PRAM1: variants seen among roughly 807,000 people sequenced by gnomAD.
PRAM1 encodes the protein PML-RARA-regulated adapter molecule 1.
In PRAM1, 41 loss-of-function variants were observed where a neutral mutation model predicts 55.3. The ratio of observed to expected loss-of-function variants is 0.74; its 90% CI spans 0.58 to 0.96. The LOEUF (loss-of-function observed/expected upper bound fraction) is 0.96. PRAM1 is among the 40% of genes least tolerant of loss of function. The pLI, the probability that PRAM1 is intolerant of heterozygous loss-of-function variation, is 0.00. For synonymous variants in PRAM1, 401 were observed against 387.1 expected, an observed-to-expected ratio of 1.04 and a Z score of -0.42; for missense variants, 898 against 892.7, an observed-to-expected ratio of 1.01 and a Z score of -0.08.
At position 8,499,589 on chromosome 19, in the gene PRAM1, C is replaced by G. The variant is rs1971773847; in HGVS notation, c.219G>C (p.Pro73=). The G allele has an allele frequency of 6.4e-7, 1 of 1,564,114 alleles. No individual in the cohort carries two copies. The highest frequency in any genetic ancestry group is 1.7e-5 in the Admixed American group (1 of 57,336). ...EFGAVSLKPP[P]PEVTDLPKKP... The stretch of plus-strand genomic sequence containing the variant: ...TCTTGGGGAGGTCAGTGACCTCAGG[C>G]GGCGGGGGCTTCAAGGACACTGCAC... The change falls in exon 2 of 10, where the codon CCG becomes CCC. Residue 73 remains proline, a synonymous_variant. Coordinates refer to ENST00000423345, the MANE Select transcript of PRAM1 (RefSeq NM_032152.5).
chr19:8,491,087 C>CT lies in PRAM1; in HGVS notation c.1634+12dup, dbSNP rs1485097700. ...CTCGCCCCCCGTCTGCCCACCCCCT[C>CT]TGCCCATGGCACCTGAGCGCTGGGT... On this transcript the variant is annotated intron_variant, in intron 5 of 9. Transcript: ENST00000423345. The CT allele has an allele frequency of 6.2e-7, 1 of 1,612,372 alleles. No homozygotes were observed. The highest frequency in any genetic ancestry group is 1.1e-5 in the South Asian group (1 of 91,088).
At position 8,493,367 on chromosome 19, in the gene PRAM1, C is replaced by T. The variant is rs947814251; in HGVS notation, c.1577-2210G>A. ...CATCCACAGTCTCACCTGGAACACA[C>T]AGCCCCTCCAGCTGCTCCTGCCTCT... On this transcript the variant is annotated intron_variant, in intron 4 of 9. Coordinates refer to ENST00000423345, the MANE Select transcript of PRAM1 (RefSeq NM_032152.5). The surrounding 1 kb of genome is among the most constrained non-coding windows in gnomAD (Gnocchi z 4.1). 6.6e-6 allele frequency among the ~76,000 whole-genome samples: 1 copy of T among 152,362 alleles called. No individual in the cohort carries two copies. The highest frequency in any genetic ancestry group is 6.5e-5 in the Admixed American group (1 of 15,302).
At position 8,490,153 on chromosome 19, in the gene PRAM1, G is replaced by A. The variant is rs1971588053; in HGVS notation, c.*36C>T. ...AGGGCTCCTGGGTGAGCGGGCGCTG[G>A]GCTGGCTGGCTGTCCTGGCCCCACG... On this transcript the variant is annotated 3_prime_UTR_variant, in exon 10 of 10. Coordinates refer to ENST00000423345, the MANE Select transcript of PRAM1 (RefSeq NM_032152.5). This position sits in a 1 kb window ranked among gnomAD's most constrained non-coding sequence, Gnocchi z 7.3. The A allele has an allele frequency of 1.3e-6, 2 of 1,517,048 alleles. No individual in the cohort carries two copies. The highest frequency in any genetic ancestry group is 1.3e-5 in the South Asian group (1 of 77,060). 94.0% of individuals were successfully genotyped at this position (1,517,048 alleles called of 1,614,324 possible).
Position 8,493,496 on chromosome 19 carries a change from C to T in PRAM1, c.1577-2339G>A, listed in dbSNP as rs866163133. Among the ~76,000 whole-genome samples, 4 of 152,190 alleles carry T rather than the reference C, an allele frequency of 2.6e-5. No individual in the cohort carries two copies. The highest frequency in any genetic ancestry group is 7.2e-5 in the African/African-American group (3 of 41,420). ...GCCACATTAGAGCACCTCTTGGCAC[C>T]GCCATGCAGGCAGCCCTGGTTCATC... On this transcript the variant is annotated intron_variant, in intron 4 of 9. Transcript: ENST00000423345. The surrounding 1 kb of genome is among the most constrained non-coding windows in gnomAD (Gnocchi z 4.1).
Position 8,490,915 on chromosome 19 carries a change from G to A in PRAM1, c.1715C>T (p.Ala572Val), listed in dbSNP as rs1349542065. ...LLKQLRKAEK[A>V]EREFRKKFKF... Reference sequence around the variant, plus strand: ...GAACTTCTTCCGGAACTCCCTCTCGGCCTTCTCTGCCTTCCTCAGCTGCTT... The same window carrying A: ...GAACTTCTTCCGGAACTCCCTCTCGACCTTCTCTGCCTTCCTCAGCTGCTT... Residue 572 changes from alanine to valine, a missense_variant, in exon 6 of 10, where the codon GCC (alanine) becomes GTC (valine). By Grantham distance (64) the Ala-to-Val change is moderately conservative. Coordinates refer to ENST00000423345, the MANE Select transcript of PRAM1 (RefSeq NM_032152.5). The surrounding 1 kb of genome is among the most constrained non-coding windows in gnomAD (Gnocchi z 7.3). The A allele has an allele frequency of 1.2e-6, 2 of 1,613,606 alleles. No individual in the cohort carries two copies. Among genetic ancestry groups the A allele is most frequent in the South Asian group, 1.1e-5 (1 of 91,084 alleles).
chr19:8,494,634 TTC>T (rs1467991291), intron 4 of PRAM1, among the ~76,000 whole-genome samples: 2 of 97,540 alleles, frequency 2.1e-5, no homozygotes, highest in African/African-American at 5.4e-5. Context: ...CTATTTTTTT[TTC>T]TTTTTTTTTT....
intron 4 of PRAM1, among the ~76,000 whole-genome samples, chr19:8,492,886 A>T (rs1971648947): frequency 2.6e-5 from 4 of 152,080 alleles, no homozygotes; most frequent in Non-Finnish European, 5.9e-5. Flanking sequence ...AATGCCAGCT[A>T]CTCAGGAGGC....
chr19:8,497,176 T>C (rs1474208922), intron 4 of PRAM1, among the ~76,000 whole-genome samples: 1 of 145,692 alleles, frequency 6.9e-6, no homozygotes, highest in African/African-American at 2.5e-5. Flanking sequence ...AATCCTGCTT[T>C]TTTTTTTTTT....
In PRAM1 at chr19:8,490,553, C is replaced by T. The variant is rs375336017; in HGVS notation, c.1906+41G>A. ...TGGTGGGTTCTGAGGCCCAGGGTGG[C>T]GGCGGGGACCTCCCGGGGCTGCGGG... is the stretch of plus-strand genomic sequence containing the variant. On this transcript the variant is annotated intron_variant, in intron 7 of 9. Transcript: ENST00000423345. This position sits in a 1 kb window ranked among gnomAD's most constrained non-coding sequence, Gnocchi z 7.3. The T allele has an allele frequency of 8.0e-4, 1,273 of 1,599,994 alleles. 1 individual carries two copies. The highest frequency in any genetic ancestry group is 9.9e-4 in the Admixed American group (57 of 57,490).
At position 8,491,148 on chromosome 19, in the gene PRAM1, G is replaced by A; in HGVS notation, c.1586C>T (p.Pro529Leu). ...CCTCCTGGCGGCTTGCTGAACTGAG[G>A]GCGCTTCATCTGGGGACAGTCAGGA... ...SPSPKGRDEA[P>L]SVQQAARRPP... The change falls in exon 5 of 10, where the codon CCC becomes CTC. Residue 529 changes from proline to leucine, a missense_variant. Pro to Leu is a moderately conservative substitution (Grantham distance 98). Coordinates refer to ENST00000423345, the MANE Select transcript of PRAM1 (RefSeq NM_032152.5). 1.2e-6 allele frequency: 2 copies of A among 1,611,052 alleles called. No individual in the cohort carries two copies. The highest frequency in any genetic ancestry group is 1.7e-6 in the Non-Finnish European group (2 of 1,179,668).
In PRAM1 at chr19:8,490,665, C is replaced by T; in HGVS notation, c.1835G>A (p.Arg612His). The T allele has an allele frequency of 1.3e-6, 2 of 1,592,298 alleles. No individual in the cohort carries two copies. The highest frequency in any genetic ancestry group is 1.7e-6 in the Non-Finnish European group (2 of 1,169,416). The change falls in exon 7 of 10, where the codon CGC (arginine) becomes CAC (histidine). Residue 612 changes from arginine (R) to histidine (H), a missense_variant. By Grantham distance (29) the Arg-to-His change is conservative. Around this residue, in one of 4 missense-constraint regions of PRAM1, gnomAD observed 787 missense variants for 735.4 expected, o/e 1.07. Coordinates refer to ENST00000423345, the MANE Select transcript of PRAM1 (RefSeq NM_032152.5). The surrounding 1 kb of genome is among the most constrained non-coding windows in gnomAD (Gnocchi z 7.3). ...CTCGATCACCTCCAGGATCTCCCCG[C>T]GCCGGATCCCGAGGTGCTTGCCACC... ...RGGGKHLGIR[R>H]GEILEVIEFT... is the part of the protein sequence containing the mutation.
chr19:8,497,642 G>T, intron 4 of PRAM1, 122 bp downstream of exon 4: 2 of 744,632 alleles, frequency 2.7e-6, no homozygotes, highest in Non-Finnish European at 2.2e-6. Context: ...CTCCCCTTAT[G>T]TAGTTCCACC....
chr19:8,497,819 C>T lies in PRAM1; in HGVS notation c.1521G>A (p.Glu507=). ...CTCTGGGTTCCACATCGTCATACAG[C>T]TCGTAGATCTCATCTGGGACCCTGC... ...DIPQVPDEIY[E]LYDDVEPRDD... The change falls in exon 4 of 10, where the codon GAG becomes GAA. Residue 507 remains glutamate, a synonymous_variant. Coordinates refer to ENST00000423345, the MANE Select transcript of PRAM1 (RefSeq NM_032152.5). 1 of 1,611,506 alleles carries T rather than the reference C, an allele frequency of 6.2e-7. No individual in the cohort carries two copies. The highest frequency in any genetic ancestry group is 8.5e-7 in the Non-Finnish European group (1 of 1,179,304).
rs556960645 is a variant in PRAM1, at chr19:8,499,793, G to A, written c.28-13C>T. On this transcript the variant is annotated splice_polypyrimidine_tract_variant and intron_variant, in intron 1 of 9. Coordinates refer to ENST00000423345, the MANE Select transcript of PRAM1 (RefSeq NM_032152.5). ...CCTGATGGCTCTCCTAGGAGACGCAGAGCCAATGAGGCAGGGGCTCAAACA... is the reference window on the plus strand; with the variant it reads ...CCTGATGGCTCTCCTAGGAGACGCAAAGCCAATGAGGCAGGGGCTCAAACA... 1 of 1,574,062 alleles carries A rather than the reference G, an allele frequency of 6.4e-7. No homozygotes were observed. Among genetic ancestry groups the A allele is most frequent in the South Asian group, 1.1e-5 (1 of 87,388 alleles).
Position 8,490,859 on chromosome 19 carries a change from G to A in PRAM1, c.1743+28C>T, listed in dbSNP as rs150081714. Reference sequence around the variant, plus strand: ...TGGGACCCTGGTCTCCGCCCTGCCAGGACTCCTGCTTAGCTCAGAGGCCTC... The same window carrying A: ...TGGGACCCTGGTCTCCGCCCTGCCAAGACTCCTGCTTAGCTCAGAGGCCTC... On this transcript the variant is annotated intron_variant, in intron 6 of 9. Transcript: ENST00000423345. This position sits in a 1 kb window ranked among gnomAD's most constrained non-coding sequence, Gnocchi z 7.3. 7,373 of 1,611,334 alleles carry A rather than the reference G, an allele frequency of 4.6e-3. 52 individuals are homozygous for A. Among genetic ancestry groups the A allele is most frequent in the South Asian group, 0.02 (1,816 of 91,070 alleles).
At chr19:8,501,246 G>C (rs1214430187) in intron 1 of PRAM1, among the ~76,000 whole-genome samples, 1 of 150,642 alleles carries the variant, frequency 6.6e-6, no homozygotes, top group Non-Finnish European at 1.5e-5. Flanking sequence ...TGTCTGCCAC[G>C]ACGCCTGGCT....
At chr19:8,502,464 G>GCGCCC in intron 1 of PRAM1, 101 bp downstream of exon 1, 3 of 216,456 alleles carry the variant, frequency 1.4e-5, no homozygotes, top group Non-Finnish European at 1.7e-5. Context: ...GCCACCCCCC[G>GCGCCC]CCCCCCCGCC....
At chr19:8,496,550 C>A (rs1179443627) in intron 4 of PRAM1, among the ~76,000 whole-genome samples, 1 of 151,444 alleles carries the variant, frequency 6.6e-6, no homozygotes, top group Non-Finnish European at 1.5e-5. Flanking sequence ...CATGGTGAAA[C>A]CCCATATCTA....
At chr19:8,492,227 G>A (rs1260809885) in intron 4 of PRAM1, among the ~76,000 whole-genome samples, 1 of 125,466 alleles carries the variant, frequency 8.0e-6, no homozygotes, top group Non-Finnish European at 1.7e-5. Flanking sequence ...GAGCCACCGT[G>A]CCTAGCCGTT....
Sources: allele counts gnomAD v4.1 joint callset (sites outside exome capture counted in the v4.1 genomes callset), GRCh38; gene constraint gnomAD v4.1.1; regional missense constraint gnomAD v4.1.1; non-coding constraint Gnocchi (gnomAD v3.1); transcripts MANE v1.5; gene names NCBI Gene and HGNC (gene_info 2026-07-23, HGNC 2026-07-21).